The following CNTNAP2 variants were observed in gnomAD, a reference collection of about 807,000 sequenced individuals.
The protein encoded by CNTNAP2 is contactin-associated protein-like 2.
A neutral mutation model predicts 155.2 loss-of-function variants in CNTNAP2; 98 were observed. The observed-to-expected ratio is 0.63, with a 90% CI of 0.54 to 0.75. The LOEUF is 0.75. Among genes scored for constraint, CNTNAP2 ranks in the 30% least tolerant of loss-of-function variants. CNTNAP2 has a pLI of 0.00. For missense variants in CNTNAP2, 1,727 were observed against 1,688.1 expected (o/e 1.02, Z -0.40); for synonymous variants, 651 against 631.2 (o/e 1.03, Z -0.47).
intron 15 of CNTNAP2, among the ~76,000 whole-genome samples, chr7:148,089,125 C>T (rs1186460487): frequency 2.6e-5 from 4 of 151,936 alleles, no homozygotes; most frequent in Non-Finnish European, 5.9e-5. Context: ...AACAAACACT[C>T]AGCAAATTAG....
chr7:148,257,289 C>T (rs959085778), intron 20 of CNTNAP2, among the ~76,000 whole-genome samples: 1 of 152,176 alleles, frequency 6.6e-6, no homozygotes, highest in African/African-American at 2.4e-5. Flanking sequence ...ACTTTCCCTT[C>T]GTAAAGGCAT....
chr7:147,165,610 T>C (rs1802100102), intron 8 of CNTNAP2, among the ~76,000 whole-genome samples: 1 of 152,182 alleles, frequency 6.6e-6, no homozygotes, highest in African/African-American at 2.4e-5. Context: ...AGAATTTTTA[T>C]AGTTGCAGGT....
rs1797615916 is a variant in CNTNAP2, at chr7:147,778,184, T to C, written c.2099-125381T>C. Among the ~76,000 whole-genome samples, 5 of 152,358 alleles carry C rather than the reference T, an allele frequency of 3.3e-5. No homozygotes were observed. In the South Asian group the frequency reaches 1.0e-3, roughly 32 times the overall value. ...AGTTTTCAATTTTCTTATAGCCTTT[T>C]GATTACAGTGCCACTGAAAATATGT... On this transcript the variant is annotated intron_variant, in intron 13 of 23. Transcript: ENST00000361727.
intron 1 of CNTNAP2, among the ~76,000 whole-genome samples, chr7:146,308,745 C>A (rs1800766406): frequency 6.6e-6 from 1 of 152,110 alleles, no homozygotes; most frequent in Admixed American, 6.6e-5. Context: ...CCAAACACCA[C>A]ATGTTCTCAC....
At chr7:147,947,585 C>T (rs1236886554) in intron 14 of CNTNAP2, among the ~76,000 whole-genome samples, 6 of 151,732 alleles carry the variant, frequency 4.0e-5, no homozygotes, top group Admixed American at 6.6e-5. Flanking sequence ...GAGCTATGAT[C>T]GCTCAACTGC....
intron 8 of CNTNAP2, among the ~76,000 whole-genome samples, chr7:147,215,594 A>T (rs1803250587): frequency 6.6e-6 from 1 of 152,182 alleles, no homozygotes; most frequent in Admixed American, 6.5e-5. Context: ...CACCTACTGC[A>T]AGAAATCTTC....
chr7:147,781,976 C>T (rs970081184), intron 13 of CNTNAP2, among the ~76,000 whole-genome samples: 5 of 149,732 alleles, frequency 3.3e-5, no homozygotes, highest in Non-Finnish European at 5.9e-5. Flanking sequence ...TGAGCGGAGA[C>T]AGCGCCACTG....
chr7:147,567,816 C>T (rs577564758), intron 12 of CNTNAP2, among the ~76,000 whole-genome samples: 254 of 152,214 alleles, frequency 1.7e-3, no homozygotes, highest in Admixed American at 2.3e-3. Context: ...CCGGGCACGG[C>T]GGCTCATGCC....
rs548262853 is a variant in CNTNAP2 at position 147,801,712 on chromosome 7, C to T, written c.2099-101853C>T. Among the ~76,000 whole-genome samples the T allele has an allele frequency of 2.0e-3, 303 of 152,280 alleles. 2 individuals carry two copies. The highest frequency in any genetic ancestry group is 2.6e-3 in the Non-Finnish European group (180 of 68,024). ...GTACAGAACAAAATGAAAAGTCTCC[C>T]ATGTCTACTTCTTTCTACACAGACA... is the stretch of plus-strand genomic sequence containing the variant. On this transcript the variant is annotated intron_variant, in intron 13 of 23. Transcript: ENST00000361727.
Position 146,640,043 on chromosome 7 carries a change from G to A in CNTNAP2, c.98-134228G>A, listed in dbSNP as rs542886530. 1.7e-4 allele frequency among the ~76,000 whole-genome samples: 26 copies of A among 152,324 alleles called. No homozygotes were observed. In the East Asian group the frequency reaches 4.4e-3, roughly 26 times the overall value. On this transcript the variant is annotated intron_variant, in intron 1 of 23. Coordinates refer to ENST00000361727, the MANE Select transcript of CNTNAP2 (RefSeq NM_014141.6). ...TTCCTGGTCCTCCTTAAGTTCCACGGCAGGGTGCCTGCCTGTGTACTCTAC... is the reference window on the plus strand; with the variant it reads ...TTCCTGGTCCTCCTTAAGTTCCACGACAGGGTGCCTGCCTGTGTACTCTAC...
intron 21 of CNTNAP2, among the ~76,000 whole-genome samples, chr7:148,362,236 T>C (rs1402436381): frequency 2.0e-5 from 3 of 151,218 alleles, no homozygotes; most frequent in African/African-American, 7.3e-5. Flanking sequence ...TCAGATCTCA[T>C]GAGAACTCAC....
At chr7:148,152,892 G>A (rs561851682) in intron 17 of CNTNAP2, among the ~76,000 whole-genome samples, 1 of 151,772 alleles carries the variant, frequency 6.6e-6, no homozygotes, top group South Asian at 2.1e-4. Flanking sequence ...GTAGTGGCAG[G>A]CGCCTGTAGT....
In CNTNAP2 at chr7:147,050,901, C is replaced by T. The variant is rs778643090; in HGVS notation, c.550+6847C>T. ...CCATCTCCTGGTGGTGGCCAGAAGTCCTTGATGTTCTTTGGCTCATTGCTG... is the reference window on the plus strand; with the variant it reads ...CCATCTCCTGGTGGTGGCCAGAAGTTCTTGATGTTCTTTGGCTCATTGCTG... On this transcript the variant is annotated intron_variant, in intron 4 of 23. Transcript: ENST00000361727. Among the ~76,000 whole-genome samples the T allele has an allele frequency of 6.8e-4, 104 of 152,064 alleles. 1 individual carries two copies. Among genetic ancestry groups the T allele is most frequent in the Non-Finnish European group, 1.2e-4 (8 of 68,024 alleles).
At chr7:147,604,484 C>T (rs565852568) in intron 12 of CNTNAP2, among the ~76,000 whole-genome samples, 1 of 152,120 alleles carries the variant, frequency 6.6e-6, no homozygotes, top group South Asian at 2.1e-4. Context: ...ATGACATGAC[C>T]TTCGTTGTCT....
chr7:147,954,975 A>G, intron 14 of CNTNAP2, among the ~76,000 whole-genome samples: 1 of 152,222 alleles, frequency 6.6e-6, no homozygotes, highest in East Asian at 1.9e-4. Flanking sequence ...AAAAACAGCT[A>G]CACCCACTTT....
intron 3 of CNTNAP2, among the ~76,000 whole-genome samples, chr7:147,038,776 A>G (rs983343038): frequency 1.3e-5 from 2 of 152,290 alleles, no homozygotes; most frequent in Admixed American, 1.3e-4. Context: ...ATGGTCTTCT[A>G]CTATCTTCTT....
intron 12 of CNTNAP2, among the ~76,000 whole-genome samples, chr7:147,577,351 G>A (rs933806281): frequency 2.6e-5 from 4 of 152,176 alleles, no homozygotes; most frequent in Admixed American, 2.0e-4. Context: ...GATAGAAGAA[G>A]AGGATTTGAC....
intron 21 of CNTNAP2, among the ~76,000 whole-genome samples, chr7:148,357,730 G>A (rs13234620): frequency 0.32 from 48,245 of 151,706 alleles, 9,209 homozygotes; most frequent in East Asian, 0.64. Flanking sequence ...AGGGCCTTTT[G>A]TATAGAGCAT....
At chr7:146,718,099 C>T (rs931094260) in intron 1 of CNTNAP2, among the ~76,000 whole-genome samples, 10 of 152,054 alleles carry the variant, frequency 6.6e-5, no homozygotes, top group Admixed American at 6.6e-4. Context: ...CAGAAGCCTC[C>T]AACTTCAGGT....
Sources: gnomAD v4.1 joint callset for allele counts (sites outside exome capture counted in the v4.1 genomes callset) on GRCh38, gnomAD v4.1.1 for gene constraint, MANE v1.5 for transcripts, NCBI Gene and HGNC (gene_info 2026-07-23, HGNC 2026-07-21) for gene names.